The following EPOR variants were observed in gnomAD, a reference collection of about 807,000 sequenced individuals.
The protein encoded by EPOR is erythropoietin receptor.
EPOR carries 20 observed loss-of-function variants against 34.3 expected under a neutral mutation model. That is an observed-to-expected ratio of 0.58 (90% confidence interval 0.41 to 0.85). The LOEUF (loss-of-function observed/expected upper bound fraction) is 0.85, where lower values mean the gene tolerates loss of function less well. EPOR is among the 40% of genes least tolerant of loss of function. The pLI is 0.00. For synonymous variants in EPOR, 312 were observed against 299.0 expected (o/e 1.04, Z -0.45); for missense variants, 601 against 672.7 (o/e 0.89, Z 1.18).
rs1278551815 is a variant in EPOR, at chr19:11,384,203, T to C, written c.5A>G (p.Asp2Gly). 6.5e-7 allele frequency: 1 copy of C among 1,540,118 alleles called. No homozygotes were observed. The highest frequency in any genetic ancestry group is 1.4e-5 in the African/African-American group (1 of 72,752). ...GGGCCAGAGGGACGCCCCGAGGTGG[T>C]CCATGATACAGCCCCCGCCACGGGG... M[D>G]HLGASLWPQV... The change falls in exon 1 of 8, where the codon GAC becomes GGC. Residue 2 changes from aspartate (D) to glycine (G), a missense_variant. By Grantham distance (94) the Asp-to-Gly change is moderately conservative. Transcript: ENST00000222139.
chr19:11,379,845 G>A (rs1968332839), intron 6 of EPOR, among the ~76,000 whole-genome samples: 1 of 152,182 alleles, frequency 6.6e-6, no homozygotes, highest in Non-Finnish European at 1.5e-5. Flanking sequence ...GGGATTACAG[G>A]CATGTGCCAC....
rs1433592419 is a variant in EPOR at position 11,378,370 on chromosome 19, G to A, written c.1141C>T (p.Pro381Ser). Residue 381 changes from proline to serine, a missense_variant, in exon 8 of 8, where the codon CCC becomes TCC. Pro to Ser is a moderately conservative substitution (Grantham distance 74). Coordinates refer to ENST00000222139, the MANE Select transcript of EPOR (RefSeq NM_000121.4). This position sits in a 1 kb window ranked among gnomAD's most constrained non-coding sequence, Gnocchi z 5.3. ...CCAGGCCCTGGGAGGTCCTCACTGG[G>A]CGGGTTCCGGGGCAGCAACCATTTG... ...LDKWLLPRNP[P>S]SEDLPGPGGS... is the part of the protein sequence containing the mutation. 8 of 1,613,194 alleles carry A rather than the reference G, an allele frequency of 5.0e-6. No individual in the cohort carries two copies. Among genetic ancestry groups the A allele is most frequent in the African/African-American group, 1.3e-5 (1 of 74,926 alleles).
Position 11,378,106 on chromosome 19 carries a change from T to C in EPOR, c.1405A>G (p.Ser469Gly). 6.2e-7 allele frequency: 1 copy of C among 1,614,028 alleles called. No individual in the cohort carries two copies. The change falls in exon 8 of 8, where the codon AGC becomes GGC. Residue 469 changes from serine to glycine, a missense_variant. By Grantham distance (56) the Ser-to-Gly change is moderately conservative. Coordinates refer to ENST00000222139, the MANE Select transcript of EPOR (RefSeq NM_000121.4). This position sits in a 1 kb window ranked among gnomAD's most constrained non-coding sequence, Gnocchi z 5.3. ...TGGGCTCCCTGGGAGTCCCCTGAGC[T>C]GTAGTCAGTTGAGATGCCAGAGTCA... is the stretch of plus-strand genomic sequence containing the variant. ...VSDSGISTDY[S>G]SGDSQGAQGG...
chr19:11,378,291 G>A lies in EPOR; in HGVS notation c.1220C>T (p.Ser407Leu), dbSNP rs771294122. Residue 407 changes from serine (S) to leucine (L), a missense_variant, in exon 8 of 8, where the codon TCA (serine) becomes TTA (leucine). Ser to Leu is a moderately radical substitution (Grantham distance 145). Coordinates refer to ENST00000222139, the MANE Select transcript of EPOR (RefSeq NM_000121.4). The surrounding 1 kb of genome is among the most constrained non-coding windows in gnomAD (Gnocchi z 5.3). ...MDEGSEASSC[S>L]SALASKPSPE... ...GCTGGGCTTCGAGGCCAAAGCAGAT[G>A]AGCAGGAGGATGCTTCTGAGCCTTC... 1.2e-6 allele frequency: 2 copies of A among 1,613,974 alleles called. No individual in the cohort carries two copies. Among genetic ancestry groups the A allele is most frequent in the African/African-American group, 1.3e-5 (1 of 75,054 alleles).
rs776800957 is a variant in EPOR at position 11,383,194 on chromosome 19, A to C, written c.154T>G (p.Cys52Gly). The C allele has an allele frequency of 1.2e-6, 2 of 1,609,230 alleles. No homozygotes were observed. The highest frequency in any genetic ancestry group is 1.7e-6 in the Non-Finnish European group (2 of 1,178,036). ...LAARGPEELL[C>G]FTERLEDLVC... ...AAGTCCTCCAACCGCTCGGTGAAGC[A>C]CAGAAGCTCTTCGGGCCCCCGGGCC... Residue 52 changes from cysteine (C) to glycine (G), a missense_variant, in exon 2 of 8, where the codon TGC (cysteine) becomes GGC (glycine). Coordinates refer to ENST00000222139, the MANE Select transcript of EPOR (RefSeq NM_000121.4). The surrounding 1 kb of genome is among the most constrained non-coding windows in gnomAD (Gnocchi z 4.9).
chr19:11,381,190 C>G lies in EPOR; in HGVS notation c.605G>C (p.Arg202Pro), dbSNP rs765615096. Residue 202 changes from arginine to proline, a missense_variant, in exon 5 of 8, where the codon CGC becomes CCC. By Grantham distance (103) the Arg-to-Pro change is moderately radical (BLOSUM62 -2). Transcript: ENST00000222139. The surrounding 1 kb of genome is among the most constrained non-coding windows in gnomAD (Gnocchi z 5.3). The part of the protein sequence containing the change: ...SVQRVEILEG[R>P]TECVLSNLRG... ...CAGGTTGCTCAGCACACACTCGGTG[C>G]GGCCCTCCAGGATCTCCACCTGGGG... The G allele has an allele frequency of 2.4e-5, 37 of 1,549,842 alleles. No individual in the cohort carries two copies. Among genetic ancestry groups the G allele is most frequent in the Non-Finnish European group, 3.0e-5 (34 of 1,147,344 alleles).
intron 2 of EPOR, 147 bp downstream of exon 2, chr19:11,382,950 C>A (rs1170519135): frequency 6.4e-7 from 1 of 1,559,134 alleles, no homozygotes; most frequent in Admixed American, 1.9e-5. Context: ...CGTGCCAGCC[C>A]TGGACCCGCA....
rs140940687 is a variant in EPOR, at chr19:11,379,858, C to T, written c.827+1026G>A. Among the ~76,000 whole-genome samples the T allele has an allele frequency of 4.9e-3, 744 of 152,300 alleles. 5 individuals carry two copies. Among genetic ancestry groups the T allele is most frequent in the African/African-American group, 0.017 (693 of 41,586 alleles). ...CGGGGATTACAGGCATGTGCCACCACGCTTGGCTAGTTTTGTATTTTTAGT... is the reference window on the plus strand; with the variant it reads ...CGGGGATTACAGGCATGTGCCACCATGCTTGGCTAGTTTTGTATTTTTAGT... On this transcript the variant is annotated intron_variant, in intron 6 of 7. Coordinates refer to ENST00000222139, the MANE Select transcript of EPOR (RefSeq NM_000121.4).
chr19:11,381,158 G>T lies in EPOR; in HGVS notation c.637C>A (p.Arg213=), dbSNP rs1209666092. 6.4e-7 allele frequency: 1 copy of T among 1,555,194 alleles called. No individual in the cohort carries two copies. Among genetic ancestry groups the T allele is most frequent in the Admixed American group, 1.9e-5 (1 of 51,598 alleles). Residue 213 remains arginine (R), a synonymous_variant, in exon 5 of 8, where the codon CGG becomes AGG. Coordinates refer to ENST00000222139, the MANE Select transcript of EPOR (RefSeq NM_000121.4). This position sits in a 1 kb window ranked among gnomAD's most constrained non-coding sequence, Gnocchi z 5.3. ...TECVLSNLRG[R]TRYTFAVRAR... ...CGGACGGCGAAGGTGTAGCGCGTCC[G>T]GCCCCGCAGGTTGCTCAGCACACAC...
Position 11,384,258 on chromosome 19 carries a change from G to T in EPOR, c.-51C>A. 1 of 1,254,892 alleles carries T rather than the reference G, an allele frequency of 8.0e-7. No homozygotes were observed. The highest frequency in any genetic ancestry group is 1.1e-6 in the Non-Finnish European group (1 of 889,968). 77.7% of individuals were successfully genotyped at this position (1,254,892 alleles called of 1,614,324 possible). A position where few individuals can be genotyped will look rare whatever the true frequency, so the allele number is the denominator to read the frequency against. On this transcript the variant is annotated 5_prime_UTR_variant, in exon 1 of 8. Transcript: ENST00000222139. ...CAGGGCTCCTGCCCCTCCGTCCCCC[G>T]CCCCCGGCACAGTCCACAGCTGGGT...
At chr19:11,380,701 G>A (rs1968343060) in intron 6 of EPOR, among the ~76,000 whole-genome samples, 183 bp downstream of exon 6, 1 of 152,216 alleles carries the variant, frequency 6.6e-6, no homozygotes, top group Non-Finnish European at 1.5e-5. Flanking sequence ...GTCCCCAAGA[G>A]CAGAAAATGT....
At position 11,378,557 on chromosome 19, in the gene EPOR, G is replaced by C. The variant is rs1343746653; in HGVS notation, c.954C>G (p.Ser318Arg). The stretch of plus-strand genomic sequence containing the variant: ...GGTCCTCCGTGAAGGGGGTGCAGGG[G>C]CTCCACCACAGGCAGCCATCATTCT... ...LYQNDGCLWW[S>R]PCTPFTEDPP... is the part of the protein sequence containing the mutation. The change falls in exon 8 of 8, where the codon AGC becomes AGG. Residue 318 changes from serine to arginine, a missense_variant. Physicochemically the swap from Ser to Arg is moderately radical, Grantham distance 110. Coordinates refer to ENST00000222139, the MANE Select transcript of EPOR (RefSeq NM_000121.4). The surrounding 1 kb of genome is among the most constrained non-coding windows in gnomAD (Gnocchi z 5.3). 6.2e-7 allele frequency: 1 copy of C among 1,614,176 alleles called. No homozygotes were observed. The highest frequency in any genetic ancestry group is 1.1e-5 in the South Asian group (1 of 91,086).
In EPOR at chr19:11,378,472, G is replaced by A. The variant is rs557770397; in HGVS notation, c.1039C>T (p.Pro347Ser). ...RCWGTMQAVE[P>S]GTDDEGPLLE... ...AGGGGGCCCTCATCATCTGTCCCCG[G>A]CTCCACTGCCTGCATCGTCCCCCAG... The change falls in exon 8 of 8, where the codon CCG (proline) becomes TCG (serine). Residue 347 changes from proline (P) to serine (S), a missense_variant. Transcript: ENST00000222139. The surrounding 1 kb of genome is among the most constrained non-coding windows in gnomAD (Gnocchi z 5.3). 5 of 1,614,170 alleles carry A rather than the reference G, an allele frequency of 3.1e-6. No homozygotes were observed. Among genetic ancestry groups the A allele is most frequent in the Non-Finnish European group, 4.2e-6 (5 of 1,180,018 alleles).
Position 11,381,857 on chromosome 19 carries a change from C to T in EPOR, c.428-8G>A. ...CGGGGGCGTCTAGGAGCACTGCAGG[C>T]ATGGGGGTTGGTCAGGTGGGCGAGG... On this transcript the variant is annotated splice_region_variant and splice_polypyrimidine_tract_variant and intron_variant, in intron 3 of 7. Coordinates refer to ENST00000222139, the MANE Select transcript of EPOR (RefSeq NM_000121.4). This position sits in a 1 kb window ranked among gnomAD's most constrained non-coding sequence, Gnocchi z 5.3. 1 of 1,614,162 alleles carries T rather than the reference C, an allele frequency of 6.2e-7. No individual in the cohort carries two copies. The highest frequency in any genetic ancestry group is 1.3e-5 in the African/African-American group (1 of 75,070).
At chr19:11,380,209 C>T (rs986003886) in intron 6 of EPOR, among the ~76,000 whole-genome samples, 1 of 152,204 alleles carries the variant, frequency 6.6e-6, no homozygotes, top group African/African-American at 2.4e-5. Context: ...TGATATCACT[C>T]ATTACAATTT....
rs769772356 is a variant in EPOR, at chr19:11,384,255, C to T, written c.-48G>A. ...GCCCAGGGCTCCTGCCCCTCCGTCC[C>T]CCGCCCCCGGCACAGTCCACAGCTG... On this transcript the variant is annotated 5_prime_UTR_variant, in exon 1 of 8. Coordinates refer to ENST00000222139, the MANE Select transcript of EPOR (RefSeq NM_000121.4). 20 of 1,289,276 alleles carry T rather than the reference C, an allele frequency of 1.6e-5. No individual in the cohort carries two copies. In the South Asian group the frequency reaches 2.5e-4, roughly 16 times the overall value. 79.9% of individuals were successfully genotyped at this position (1,289,276 alleles called of 1,614,324 possible). A position where few individuals can be genotyped will look rare whatever the true frequency, so the allele number is the denominator to read the frequency against.
chr19:11,381,787 A>G lies in EPOR; in HGVS notation c.490T>C (p.Leu164=). Residue 164 remains leucine, a synonymous_variant, in exon 4 of 8, where the codon TTG becomes CTG. Transcript: ENST00000222139. This position sits in a 1 kb window ranked among gnomAD's most constrained non-coding sequence, Gnocchi z 5.3. ...RLADESGHVV[L]RWLPPPETPM... ...GTCTCAGGCGGCGGGAGCCAGCGCAACACTACGTGGCCGCTCTCGTCAGCC... is the reference window on the plus strand; with the variant it reads ...GTCTCAGGCGGCGGGAGCCAGCGCAGCACTACGTGGCCGCTCTCGTCAGCC... The G allele has an allele frequency of 6.2e-7, 1 of 1,613,724 alleles. No homozygotes were observed. The highest frequency in any genetic ancestry group is 8.5e-7 in the Non-Finnish European group (1 of 1,179,836).
Position 11,380,890 on chromosome 19 carries a change from T to C in EPOR, c.821A>G (p.His274Arg). 6.4e-7 allele frequency: 1 copy of C among 1,550,894 alleles called. No homozygotes were observed. Among genetic ancestry groups the C allele is most frequent in the Non-Finnish European group, 8.7e-7 (1 of 1,146,460 alleles). Residue 274 changes from histidine to arginine, a missense_variant, in exon 6 of 8, where the codon CAC (histidine) becomes CGC (arginine). Transcript: ENST00000222139. ...GCCCAAATGGGGAGCTCACCGGCGGTGGGAGAGCAGCGCGAGCACGGTCAG... is the reference window on the plus strand; with the variant it reads ...GCCCAAATGGGGAGCTCACCGGCGGCGGGAGAGCAGCGCGAGCACGGTCAG... ...VLLTVLALLS[H>R]RRALKQKIWP...
chr19:11,377,832 G>T lies in EPOR; in HGVS notation c.*152C>A. 2 of 864,206 alleles carry T rather than the reference G, an allele frequency of 2.3e-6. No individual in the cohort carries two copies. The highest frequency in any genetic ancestry group is 3.9e-6 in the Non-Finnish European group (2 of 508,120). The allele number at this position is 864,206 out of a possible 1,614,324, so 53.5% of individuals were successfully genotyped here. ...TATACATATTTAAAAATACTGCAAG[G>T]TTGTGGTTTCCTGAGCAGGATGGAT... is the stretch of plus-strand genomic sequence containing the variant. On this transcript the variant is annotated 3_prime_UTR_variant, in exon 8 of 8. Transcript: ENST00000222139.
Sources: gnomAD v4.1 joint callset for allele counts (sites outside exome capture counted in the v4.1 genomes callset) on GRCh38, gnomAD v4.1.1 for gene constraint, Gnocchi (gnomAD v3.1) non-coding constraint, MANE v1.5 for transcripts, NCBI Gene and HGNC (gene_info 2026-07-23, HGNC 2026-07-21) for gene names.